TRPM3: variants seen among roughly 807,000 people sequenced by gnomAD.
The protein encoded by TRPM3 is transient receptor potential cation channel subfamily M member 3.
Under a neutral mutation model 181.2 loss-of-function variants are expected in TRPM3, and 77 were observed. The observed-to-expected ratio is 0.42, with a 90% CI of 0.35 to 0.51. The LOEUF (loss-of-function observed/expected upper bound fraction) is 0.51. Among genes scored for constraint, TRPM3 ranks in the 20% least tolerant of loss-of-function variants. The probability of loss-of-function intolerance (pLI) is 0.01; values close to 1 mark genes in which losing one functional copy is unlikely to be tolerated. For missense variants in TRPM3, 1,759 were observed against 2,196.7 expected, an observed-to-expected ratio of 0.80 and a Z score of 3.98; for synonymous variants, 745 against 796.4, an observed-to-expected ratio of 0.94 and a Z score of 1.09.
intron 1 of TRPM3, among the ~76,000 whole-genome samples, chr9:71,249,799 G>C (rs2082237094): frequency 1.3e-5 from 2 of 152,120 alleles, no homozygotes; most frequent in South Asian, 4.2e-4. Context: ...AAGAACTGCA[G>C]AACAGAAAGC....
At chr9:71,364,144 T>C (rs2092255493) in intron 1 of TRPM3, among the ~76,000 whole-genome samples, 1 of 149,574 alleles carries the variant, frequency 6.7e-6, no homozygotes, top group Non-Finnish European at 1.5e-5. Context: ...GGAAAGCAAA[T>C]AAAAAGCAGA....
chr9:70,976,172 C>A (rs1267318854), intron 1 of TRPM3, among the ~76,000 whole-genome samples: 1 of 152,196 alleles, frequency 6.6e-6, no homozygotes, highest in Non-Finnish European at 1.5e-5. Context: ...CACAGATATG[C>A]TCTCATTCCT....
intron 1 of TRPM3, among the ~76,000 whole-genome samples, chr9:71,273,720 A>G (rs898702201): frequency 6.6e-6 from 1 of 152,194 alleles, no homozygotes; most frequent in African/African-American, 2.4e-5. Flanking sequence ...ATGAATCTCT[A>G]AAAACGATGA....
At chr9:71,294,974 T>C (rs2086133501) in intron 1 of TRPM3, among the ~76,000 whole-genome samples, 1 of 152,192 alleles carries the variant, frequency 6.6e-6, no homozygotes, top group Admixed American at 6.6e-5. Context: ...ATACCAAATT[T>C]AGATGTAATT....
chr9:71,281,300 C>T (rs1203536498), intron 1 of TRPM3, among the ~76,000 whole-genome samples: 1 of 152,220 alleles, frequency 6.6e-6, no homozygotes, highest in African/African-American at 2.4e-5. Flanking sequence ...GGGACAGTGA[C>T]AGAGTTGAAT....
chr9:70,572,794 AT>A (rs2052807597), intron 22 of TRPM3, among the ~76,000 whole-genome samples: 1 of 152,206 alleles, frequency 6.6e-6, no homozygotes, highest in Non-Finnish European at 1.5e-5. Context: ...TACAAAATAC[AT>A]TTTTTAAACA....
intron 1 of TRPM3, among the ~76,000 whole-genome samples, chr9:70,881,907 T>C (rs772235317): frequency 1.3e-5 from 2 of 152,172 alleles, no homozygotes; most frequent in South Asian, 2.1e-4. Flanking sequence ...TCTCCTCTGA[T>C]TGCTAAGTAT....
chr9:71,335,096 CA>C (rs1227296444), intron 1 of TRPM3, among the ~76,000 whole-genome samples: 2 of 151,898 alleles, frequency 1.3e-5, no homozygotes, highest in Non-Finnish European at 2.9e-5. Flanking sequence ...CACGGGTAAC[CA>C]AAAAATTATG....
rs762457514 is a variant in TRPM3 at position 70,610,677 on chromosome 9, A to G, written c.2599T>C (p.Leu867=). The change falls in exon 19 of 26, where the codon TTA becomes CTA. Residue 867 remains leucine, a synonymous_variant. Transcript: ENST00000677713. ...TAGATTTTTCTGCCGAGGGGGATTA[A>G]CCGGTGCTTGCTCTGAACTTCCTCT... is the stretch of plus-strand genomic sequence containing the variant. The part of the protein sequence containing the change: ...DEEEVQSKHR[L]IPLGRKIYEF... The G allele has an allele frequency of 6.2e-7, 1 of 1,614,160 alleles. No individual in the cohort carries two copies. Among genetic ancestry groups the G allele is most frequent in the Admixed American group, 1.7e-5 (1 of 60,020 alleles).
chr9:71,105,845 G>A (rs1565207095), intron 1 of TRPM3, among the ~76,000 whole-genome samples: 1 of 152,162 alleles, frequency 6.6e-6, no homozygotes, highest in Non-Finnish European at 1.5e-5. Context: ...TCTGACAGTG[G>A]TTACCTTGGG....
intron 22 of TRPM3, among the ~76,000 whole-genome samples, chr9:70,570,411 C>T (rs527727680): frequency 1.2e-4 from 17 of 146,464 alleles, no homozygotes; most frequent in African/African-American, 3.3e-4. Flanking sequence ...TGGGTTCAAG[C>T]GATTCTCCTG....
chr9:71,126,908 G>A (rs73465381), intron 1 of TRPM3, among the ~76,000 whole-genome samples: 5,437 of 152,128 alleles, frequency 0.036, 344 homozygotes, highest in African/African-American at 0.12. Flanking sequence ...GAGGTGAAAT[G>A]TCCTTCCCTC....
At position 71,138,535 on chromosome 9, in the gene TRPM3, TCC is replaced by T. The variant is rs1312279153; in HGVS notation, c.184-274026_184-274025del. Reference sequence around the variant, plus strand: ...AAATCAATCTTTTCTAAGCATTCTCTCCTTTTTCTTTTTTTTTCAGTTTGGTT... The same window carrying T: ...AAATCAATCTTTTCTAAGCATTCTCTTTTTTCTTTTTTTTTCAGTTTGGTT... On this transcript the variant is annotated intron_variant, in intron 1 of 24. Coordinates refer to the TRPM3 transcript ENST00000357533. 3.3e-5 allele frequency among the ~76,000 whole-genome samples: 5 copies of T among 152,186 alleles called. No homozygotes were observed. In the East Asian group the frequency reaches 9.7e-4, roughly 30 times the overall value.
At chr9:71,331,861 G>GAA in intron 1 of TRPM3, among the ~76,000 whole-genome samples, 1 of 8,416 alleles carries the variant, frequency 1.2e-4, no homozygotes, top group African/African-American at 9.9e-4. Flanking sequence ...AAGAGGAGAC[G>GAA]GAGGAGGAGG....
chr9:71,163,095 T>TG (rs911448640), intron 1 of TRPM3, among the ~76,000 whole-genome samples: 5 of 152,172 alleles, frequency 3.3e-5, no homozygotes, highest in African/African-American at 1.2e-4. Flanking sequence ...GCTAATGAAA[T>TG]GGTCCTTGTG....
chr9:70,770,653 T>C (rs2080054215), intron 7 of TRPM3, among the ~76,000 whole-genome samples: 1 of 152,154 alleles, frequency 6.6e-6, no homozygotes, highest in African/African-American at 2.4e-5. Flanking sequence ...CTGAGACAGG[T>C]TATTTGATCT....
intron 1 of TRPM3, among the ~76,000 whole-genome samples, chr9:71,330,478 C>T (rs775492583): frequency 2.6e-5 from 4 of 151,466 alleles, no homozygotes; most frequent in African/African-American, 9.7e-5. Flanking sequence ...CAGCTACTTA[C>T]CAGCTATTAT....
chr9:71,117,967 C>A (rs976987363), intron 1 of TRPM3, among the ~76,000 whole-genome samples: 1 of 152,164 alleles, frequency 6.6e-6, no homozygotes. Flanking sequence ...AAAATAAAAT[C>A]TTCCAAATAA....
intron 1 of TRPM3, among the ~76,000 whole-genome samples, chr9:71,252,427 A>G (rs1463634808): frequency 6.6e-6 from 1 of 152,164 alleles, no homozygotes; most frequent in Non-Finnish European, 1.5e-5. Context: ...TCACCTTTCT[A>G]AAAATGACAG....
Sources: gnomAD v4.1 joint callset for allele counts (sites outside exome capture counted in the v4.1 genomes callset) on GRCh38, gnomAD v4.1.1 for gene constraint, MANE v1.5 for transcripts, NCBI Gene and HGNC (gene_info 2026-07-23, HGNC 2026-07-21) for gene names.